Variants in TRAF1 observed in about 807,000 individuals in gnomAD.
TRAF1 encodes TNF receptor associated factor 1, also known as TNF receptor-associated factor 1.
Under a neutral mutation model 40.9 loss-of-function variants are expected in TRAF1, and 23 were observed. The observed-to-expected ratio is 0.56, with a 90% CI of 0.40 to 0.80. The LOEUF is 0.80. Among genes scored for constraint, TRAF1 ranks in the 30% least tolerant of loss-of-function variants. The pLI is 0.00. For missense variants in TRAF1, 477 were observed against 528.7 expected, an observed-to-expected ratio of 0.90 and a Z score of 0.96; for synonymous variants, 206 against 218.8, an observed-to-expected ratio of 0.94 and a Z score of 0.52.
chr9:120,909,309 T>C lies in TRAF1; in HGVS notation c.953A>G (p.Lys318Arg). Residue 318 changes from lysine (K) to arginine (R), a missense_variant, in exon 7 of 8, where the codon AAG becomes AGG. Transcript: ENST00000373887. ...RLYLNGDGTG[K>R]RTHLSLFIVI... Reference sequence around the variant, plus strand: ...GATGAAGAGCGACAGATGGGTTCTCTTTCCAGTGCCATCTCCATTCAGGTA... The same window carrying C: ...GATGAAGAGCGACAGATGGGTTCTCCTTCCAGTGCCATCTCCATTCAGGTA... 2 of 1,614,200 alleles carry C rather than the reference T, an allele frequency of 1.2e-6. No homozygotes were observed. The highest frequency in any genetic ancestry group is 1.7e-6 in the Non-Finnish European group (2 of 1,180,050).
chr9:120,919,665 C>T (rs941274512), intron 3 of TRAF1, among the ~76,000 whole-genome samples: 8 of 152,290 alleles, frequency 5.3e-5, no homozygotes, highest in Middle Eastern at 6.8e-3. Flanking sequence ...TCCTGCCCTC[C>T]TCTGTAACTG....
chr9:120,922,843 T>C, intron 3 of TRAF1, among the ~76,000 whole-genome samples: 1 of 152,184 alleles, frequency 6.6e-6, no homozygotes. Context: ...AAAATATCTT[T>C]TTTTGTTTTT....
In TRAF1 at chr9:120,926,234, G is replaced by A. The variant is rs1328282916; in HGVS notation, c.-159C>T. ...TTGTGTGGTTCAACGTCACAGCTGA[G>A]TCACAGCAGGGATGGAGCAGGAATT... On this transcript the variant is annotated 5_prime_UTR_variant, in exon 2 of 8. Transcript: ENST00000373887. 1.6e-5 allele frequency: 12 copies of A among 739,164 alleles called. No homozygotes were observed. Among genetic ancestry groups the A allele is most frequent in the Non-Finnish European group, 2.2e-5 (11 of 493,960 alleles). 45.8% of individuals were successfully genotyped at this position (739,164 alleles called of 1,614,324 possible). A position where few individuals can be genotyped will look rare whatever the true frequency, so the allele number is the denominator to read the frequency against.
chr9:120,923,191 T>C (rs1350391953), intron 3 of TRAF1, among the ~76,000 whole-genome samples: 1 of 152,222 alleles, frequency 6.6e-6, no homozygotes, highest in Non-Finnish European at 1.5e-5. Context: ...AAGGGGTTTA[T>C]ATTTGTTATT....
intron 3 of TRAF1, among the ~76,000 whole-genome samples, chr9:120,915,496 T>G (rs558242274): frequency 9.5e-4 from 145 of 152,236 alleles, no homozygotes; most frequent in African/African-American, 3.4e-3. Context: ...CCAGAATATA[T>G]AGAGAACTCT....
intron 2 of TRAF1, among the ~76,000 whole-genome samples, chr9:120,925,480 G>A (rs1187473733): frequency 6.6e-6 from 1 of 152,242 alleles, no homozygotes; most frequent in Non-Finnish European, 1.5e-5. Context: ...CTGAGGTGAT[G>A]AGCAATGCTG....
intron 7 of TRAF1, among the ~76,000 whole-genome samples, chr9:120,907,113 C>T (rs1314294048): frequency 6.6e-6 from 1 of 152,210 alleles, no homozygotes; most frequent in Admixed American, 6.5e-5. Flanking sequence ...CCACCTGCCT[C>T]GGCCTCCCAA....
chr9:120,924,118 C>T (rs2046622875), intron 2 of TRAF1, among the ~76,000 whole-genome samples: 1 of 152,124 alleles, frequency 6.6e-6, no homozygotes, highest in South Asian at 2.1e-4. Context: ...TGCCGCATTC[C>T]CTGCCACAAT....
intron 5 of TRAF1, 59 bp downstream of exon 5, chr9:120,913,269 C>A (rs1368691504): frequency 5.2e-6 from 8 of 1,530,384 alleles, no homozygotes; most frequent in East Asian, 2.3e-5. Context: ...CTGTCTGCCG[C>A]TCTGGAGACA....
At position 120,911,319 on chromosome 9, in the gene TRAF1, C is replaced by CCCCT; in HGVS notation, c.883+13_883+16dup. On this transcript the variant is annotated intron_variant, in intron 6 of 7. Coordinates refer to ENST00000373887, the MANE Select transcript of TRAF1 (RefSeq NM_005658.5). ...CTGTTTCCCCAGGCAGGTCTCTGTG[C>CCCCT]CCCTGGGAGGTGTTACCTGGGGAGA... The CCCCT allele has an allele frequency of 6.2e-7, 1 of 1,609,230 alleles. No homozygotes were observed. Among genetic ancestry groups the CCCCT allele is most frequent in the Non-Finnish European group, 8.5e-7 (1 of 1,177,018 alleles).
rs757466210 is a variant in TRAF1, at chr9:120,911,525, A to C, written c.706-12T>G. On this transcript the variant is annotated splice_polypyrimidine_tract_variant and intron_variant, in intron 5 of 7. Transcript: ENST00000373887. ...TGAAGCTCCACCACCTGTAGGGAAG[A>C]CTGTTCAGCCAGGAACACCAGAACC... The C allele has an allele frequency of 6.2e-7, 1 of 1,605,198 alleles. No individual in the cohort carries two copies. The highest frequency in any genetic ancestry group is 1.1e-5 in the South Asian group (1 of 90,968).
chr9:120,909,425 G>T (rs780627684), intron 6 of TRAF1, 47 bp from the exon 7 acceptor site: 13 of 1,598,582 alleles, frequency 8.1e-6, no homozygotes, highest in African/African-American at 1.3e-5. Flanking sequence ...GGACTTTGCA[G>T]ATGTGGGACT....
In TRAF1 at chr9:120,903,041, A is replaced by G. The variant is rs1238846815; in HGVS notation, c.*1979T>C. The G allele has an allele frequency of 1.3e-5, 2 of 152,112 alleles. No homozygotes were observed. The highest frequency in any genetic ancestry group is 2.9e-5 in the Non-Finnish European group (2 of 68,020). The allele number at this position is 152,112 out of a possible 1,614,324, so 9.4% of individuals were successfully genotyped here. On this transcript the variant is annotated 3_prime_UTR_variant, in exon 8 of 8. Coordinates refer to ENST00000373887, the MANE Select transcript of TRAF1 (RefSeq NM_005658.5). ...CTACAAATCCCCCCTTGGGCTCAACACTCGGTGAGTAGGGATCAAGAGGTT... is the reference window on the plus strand; with the variant it reads ...CTACAAATCCCCCCTTGGGCTCAACGCTCGGTGAGTAGGGATCAAGAGGTT...
In TRAF1 at chr9:120,904,695, T is replaced by C; in HGVS notation, c.*325A>G. ...TGCTTGGGTCCTACGGTTCCAAGCC[T>C]GGTTCCATTTTCTTCTCATTTGGTG... is the stretch of plus-strand genomic sequence containing the variant. On this transcript the variant is annotated 3_prime_UTR_variant, in exon 8 of 8. Transcript: ENST00000373887. The C allele has an allele frequency of 3.0e-6, 1 of 337,616 alleles. No homozygotes were observed. Among genetic ancestry groups the C allele is most frequent in the Non-Finnish European group, 5.6e-6 (1 of 179,032 alleles). 20.9% of individuals were successfully genotyped at this position (337,616 alleles called of 1,614,324 possible).
chr9:120,919,927 C>T (rs1256411736), intron 3 of TRAF1, among the ~76,000 whole-genome samples: 1 of 152,196 alleles, frequency 6.6e-6, no homozygotes, highest in South Asian at 2.1e-4. Flanking sequence ...CCTGGCTTTG[C>T]CTCCCACTTG....
rs2046546495 is a variant in TRAF1, at chr9:120,913,583, C to T, written c.450G>A (p.Leu150=). The change falls in exon 5 of 8, where the codon CTG becomes CTA. Residue 150 remains leucine (L), a synonymous_variant. Coordinates refer to ENST00000373887, the MANE Select transcript of TRAF1 (RefSeq NM_005658.5). ...CCCCCGCCACTTCCACGGCTGCCTG[C>T]AGCTGCAGGTCTGACAGGTTCTGCT... The part of the protein sequence containing the change: ...ALEQNLSDLQ[L]QAAVEVAGDL... The T allele has an allele frequency of 1.9e-6, 3 of 1,613,958 alleles. No homozygotes were observed. Among genetic ancestry groups the T allele is most frequent in the Non-Finnish European group, 2.5e-6 (3 of 1,179,990 alleles).
chr9:120,912,066 G>T (rs1027740733), intron 5 of TRAF1, among the ~76,000 whole-genome samples: 2 of 152,188 alleles, frequency 1.3e-5, no homozygotes, highest in East Asian at 1.9e-4. Context: ...AAAATGGAAA[G>T]AATATAAATT....
At chr9:120,909,209 C>T (rs771544516) in intron 7 of TRAF1, 21 bp downstream of exon 7, 1 of 1,611,522 alleles carries the variant, frequency 6.2e-7, no homozygotes, top group Non-Finnish European at 8.5e-7. Flanking sequence ...CACCTTACCC[C>T]CATCACCTTC....
upstream of TRAF1, chr9:120,927,213 C>G (rs933868038): frequency 6.6e-6 from 1 of 152,122 alleles, no homozygotes; most frequent in Non-Finnish European, 1.5e-5. Flanking sequence ...GATCAGAGTA[C>G]CCAGCTCTTG....
Sources: allele counts gnomAD v4.1 joint callset (sites outside exome capture counted in the v4.1 genomes callset), GRCh38; gene constraint gnomAD v4.1.1; transcripts MANE v1.5; gene names NCBI Gene and HGNC (gene_info 2026-07-23, HGNC 2026-07-21).